The following OXCT1 variants were observed in gnomAD, a reference collection of about 807,000 sequenced individuals.
OXCT1 encodes 3-oxoacid CoA-transferase 1.
A neutral mutation model predicts 69.6 loss-of-function variants in OXCT1; 27 were observed. The observed-to-expected ratio is 0.39, with a 90% CI of 0.29 to 0.54. The LOEUF (loss-of-function observed/expected upper bound fraction) is 0.54. Among genes scored for constraint, OXCT1 ranks in the 20% least tolerant of loss-of-function variants. The pLI, the probability that OXCT1 is intolerant of heterozygous loss-of-function variation, is 0.72. For missense variants in OXCT1, 437 were observed against 650.2 expected, an observed-to-expected ratio of 0.67 and a Z score of 3.57; for synonymous variants, 202 against 217.8, an observed-to-expected ratio of 0.93 and a Z score of 0.64.
chr5:41,775,411 A>G (rs1408983291), intron 13 of OXCT1, among the ~76,000 whole-genome samples: 1 of 152,156 alleles, frequency 6.6e-6, no homozygotes, highest in Non-Finnish European at 1.5e-5. Flanking sequence ...GGATACAACT[A>G]AGGAATGGCC....
chr5:41,857,277 G>A (rs1451635643), intron 3 of OXCT1, among the ~76,000 whole-genome samples: 2 of 152,206 alleles, frequency 1.3e-5, no homozygotes, highest in East Asian at 3.9e-4. Context: ...TCACACCCTT[G>A]TGATGGTACT....
chr5:41,855,820 C>A (rs1749402552), intron 3 of OXCT1, among the ~76,000 whole-genome samples: 1 of 152,074 alleles, frequency 6.6e-6, no homozygotes, highest in Non-Finnish European at 1.5e-5. Context: ...AAATGGAGAA[C>A]CCAACTTTTG....
chr5:41,857,736 T>C (rs1419437085), intron 3 of OXCT1, among the ~76,000 whole-genome samples: 1 of 152,206 alleles, frequency 6.6e-6, no homozygotes, highest in Non-Finnish European at 1.5e-5. Context: ...TGTTCTTTAT[T>C]ACTCATTTTT....
chr5:41,796,953 T>C (rs917645963), intron 11 of OXCT1, among the ~76,000 whole-genome samples: 2 of 152,204 alleles, frequency 1.3e-5, no homozygotes, highest in Non-Finnish European at 2.9e-5. Flanking sequence ...TTGGCTTATA[T>C]GGTGGGGTTG....
intron 5 of OXCT1, among the ~76,000 whole-genome samples, chr5:41,848,304 T>C (rs372953667): frequency 7.4e-5 from 11 of 149,350 alleles, no homozygotes; most frequent in African/African-American, 1.5e-4. Context: ...AATGGAAGAA[T>C]ATTCCATGCT....
chr5:41,746,219 C>T (rs915121015), intron 15 of OXCT1, among the ~76,000 whole-genome samples: 1 of 152,194 alleles, frequency 6.6e-6, no homozygotes, highest in African/African-American at 2.4e-5. Context: ...AAGTGGGCTT[C>T]ATCCCTGGGA....
chr5:41,838,928 T>C (rs1042881933), intron 7 of OXCT1, among the ~76,000 whole-genome samples: 9 of 152,194 alleles, frequency 5.9e-5, no homozygotes, highest in Non-Finnish European at 2.9e-5. Flanking sequence ...ATAAGTCACA[T>C]GTGGCTAGTG....
chr5:41,825,082 T>C (rs1222340023), intron 7 of OXCT1, among the ~76,000 whole-genome samples: 1 of 152,226 alleles, frequency 6.6e-6, no homozygotes, highest in African/African-American at 2.4e-5. Context: ...AGCAGGGTTC[T>C]TCACATTCCA....
At chr5:41,859,903 TATATACACAC>T (rs1749656913) in intron 3 of OXCT1, among the ~76,000 whole-genome samples, 1 of 139,922 alleles carries the variant, frequency 7.1e-6, no homozygotes, top group Non-Finnish European at 1.6e-5. Flanking sequence ...TATATATATA[TATATACACAC>T]ACACACACAC....
chr5:41,782,329 C>T (rs1745447099), intron 13 of OXCT1, among the ~76,000 whole-genome samples: 1 of 151,936 alleles, frequency 6.6e-6, no homozygotes, highest in Non-Finnish European at 1.5e-5. Context: ...ATTCTCCTGC[C>T]TCAGCCTTCC....
rs121909301 is a variant in OXCT1 at position 41,803,148 on chromosome 5, C to T, written c.971G>A (p.Gly324Glu). ...EDGMYANLGI[G>E]IPLLASNFIS... ...AAAATTGCTGGCCAGGAGAGGGATTCCTATGCCCAAATTAGCTGGAAAAAA... is the reference window on the plus strand; with the variant it reads ...AAAATTGCTGGCCAGGAGAGGGATTTCTATGCCCAAATTAGCTGGAAAAAA... Residue 324 changes from glycine (G) to glutamate (E), a missense_variant, in exon 10 of 17, where the codon GGA (glycine) becomes GAA (glutamate). By Grantham distance (98) the Gly-to-Glu change is moderately conservative. Transcript: ENST00000196371. The T allele has an allele frequency of 2.5e-6, 4 of 1,609,102 alleles. No homozygotes were observed. Among genetic ancestry groups the T allele is most frequent in the Non-Finnish European group, 3.4e-6 (4 of 1,176,102 alleles).
At chr5:41,847,148 A>T (rs1748953644) in intron 5 of OXCT1, among the ~76,000 whole-genome samples, 2 of 152,036 alleles carry the variant, frequency 1.3e-5, no homozygotes, top group African/African-American at 4.8e-5. Context: ...AATACTACAA[A>T]CACCTCTACG....
chr5:41,735,239 T>C (rs955793677), intron 16 of OXCT1, among the ~76,000 whole-genome samples: 1 of 152,182 alleles, frequency 6.6e-6, no homozygotes, highest in Non-Finnish European at 1.5e-5. Context: ...GTGGTATATA[T>C]GCACAATGAA....
At chr5:41,811,081 G>GA (rs57545957) in intron 7 of OXCT1, among the ~76,000 whole-genome samples, 164 of 137,244 alleles carry the variant, frequency 1.2e-3, no homozygotes, top group South Asian at 3.1e-3. Flanking sequence ...AAAAGAGAGG[G>GA]AAAAAAAAAA....
At position 41,730,790 on chromosome 5, in the gene OXCT1, A is replaced by T. The variant is rs1742581918; in HGVS notation, c.*939T>A. 2.0e-5 allele frequency: 3 copies of T among 152,244 alleles called. No individual in the cohort carries two copies. The highest frequency in any genetic ancestry group is 1.3e-4 in the Admixed American group (2 of 15,284). 9.4% of individuals were successfully genotyped at this position (152,244 alleles called of 1,614,324 possible). ...TTAAAGGCACTTCGTTAAAGGAAGT[A>T]GCCTTGGCAGAAGAAAAACCGTTGT... On this transcript the variant is annotated 3_prime_UTR_variant, in exon 17 of 17. Coordinates refer to ENST00000196371, the MANE Select transcript of OXCT1 (RefSeq NM_000436.4).
At chr5:41,807,755 T>C (rs1163900169) in intron 7 of OXCT1, among the ~76,000 whole-genome samples, 1 of 152,048 alleles carries the variant, frequency 6.6e-6, no homozygotes, top group East Asian at 1.9e-4. Flanking sequence ...GCTTGAACTT[T>C]CACAAATTGC....
intron 10 of OXCT1, among the ~76,000 whole-genome samples, chr5:41,801,597 T>C (rs1268467671): frequency 6.6e-6 from 1 of 152,164 alleles, no homozygotes; most frequent in Non-Finnish European, 1.5e-5. Flanking sequence ...AAAACTTTTC[T>C]GTGAGGATTA....
intron 7 of OXCT1, among the ~76,000 whole-genome samples, chr5:41,827,964 T>C (rs1007289612): frequency 1.3e-5 from 2 of 152,146 alleles, no homozygotes; most frequent in Non-Finnish European, 2.9e-5. Flanking sequence ...ACAGCATGAC[T>C]TCAACCCTGG....
At chr5:41,788,164 T>C (rs1329149530) in intron 13 of OXCT1, among the ~76,000 whole-genome samples, 1 of 152,166 alleles carries the variant, frequency 6.6e-6, no homozygotes, top group Non-Finnish European at 1.5e-5. Context: ...TTACATTATA[T>C]ATAAAGTGAT....
Sources: gnomAD v4.1 joint callset for allele counts (sites outside exome capture counted in the v4.1 genomes callset) on GRCh38, gnomAD v4.1.1 for gene constraint, MANE v1.5 for transcripts, NCBI Gene and HGNC (gene_info 2026-07-23, HGNC 2026-07-21) for gene names.